Variants in MLF2 observed in about 807,000 individuals in gnomAD.
The protein encoded by MLF2 is myelodysplasia-myeloid leukemia factor 2.
Under a neutral mutation model 31.4 loss-of-function variants are expected in MLF2, and 12 were observed. The observed-to-expected ratio is 0.38, with a 90% CI of 0.24 to 0.62. MLF2 has a LOEUF of 0.62. Ranked by LOEUF, MLF2 falls within the 20% of genes least tolerant of loss-of-function variation. The probability of loss-of-function intolerance (pLI) is 0.58; values close to 1 mark genes in which losing one functional copy is unlikely to be tolerated. For missense variants in MLF2, 272 were observed against 359.7 expected (o/e 0.76, Z 1.97); for synonymous variants, 109 against 118.8 (o/e 0.92, Z 0.54).
At position 6,753,008 on chromosome 12, in the gene MLF2, C is replaced by T; in HGVS notation, c.-98G>A. On this transcript the variant is annotated 5_prime_UTR_variant, in exon 1 of 9. Transcript: ENST00000203630. ...TCCCGGTACGCTGCAGGGTCAGGGTCGCGGCCCGGAACGTGGGGATTGGTC... is the reference window on the plus strand; with the variant it reads ...TCCCGGTACGCTGCAGGGTCAGGGTTGCGGCCCGGAACGTGGGGATTGGTC... 1 of 334,342 alleles carries T rather than the reference C, an allele frequency of 3.0e-6. No individual in the cohort carries two copies. The highest frequency in any genetic ancestry group is 2.1e-5 in the African/African-American group (1 of 47,088). 20.7% of individuals were successfully genotyped at this position (334,342 alleles called of 1,614,324 possible).
rs1254835162 is a variant in MLF2, at chr12:6,749,855, C to G, written c.552G>C (p.Leu184=). The G allele has an allele frequency of 6.2e-7, 1 of 1,614,168 alleles. No homozygotes were observed. The highest frequency in any genetic ancestry group is 1.7e-5 in the Admixed American group (1 of 60,026). The stretch of plus-strand genomic sequence containing the variant: ...GCGGGAGGGAAGGCTCACTCTCATC[C>G]AGGTTGATATAGTCCTGCCGCTCCT... ...DQEERQDYIN[L]DESEAAAFDD... The change falls in exon 7 of 9, where the codon CTG becomes CTC. Residue 184 remains leucine (L), a synonymous_variant. Coordinates refer to ENST00000203630, the MANE Select transcript of MLF2 (RefSeq NM_001382226.1). The surrounding 1 kb of genome is among the most constrained non-coding windows in gnomAD (Gnocchi z 5.3).
chr12:6,749,917 G>A lies in MLF2; in HGVS notation c.490C>T (p.Leu164Phe), dbSNP rs1381620952. Residue 164 changes from leucine (L) to phenylalanine (F), a missense_variant, in exon 7 of 9, where the codon CTC becomes TTC. Leu to Phe is a conservative substitution (Grantham distance 22). Coordinates refer to ENST00000203630, the MANE Select transcript of MLF2 (RefSeq NM_001382226.1). The surrounding 1 kb of genome is among the most constrained non-coding windows in gnomAD (Gnocchi z 5.3). ...GHHIRDRAHI[L>F]QRSRNHRTGD... ...GTGCGATGGTTTCGGGAGCGCTGGA[G>A]GATGTGAGCCCTGTCCCGGATGTGA... is the stretch of plus-strand genomic sequence containing the variant. 1.2e-6 allele frequency: 2 copies of A among 1,614,228 alleles called. No homozygotes were observed. Among genetic ancestry groups the A allele is most frequent in the South Asian group, 1.1e-5 (1 of 91,086 alleles).
At position 6,749,402 on chromosome 12, in the gene MLF2, C is replaced by A. The variant is rs1252861345; in HGVS notation, c.560-420G>T. On this transcript the variant is annotated intron_variant, in intron 7 of 8. Coordinates refer to ENST00000203630, the MANE Select transcript of MLF2 (RefSeq NM_001382226.1). The surrounding 1 kb of genome is among the most constrained non-coding windows in gnomAD (Gnocchi z 5.3). ...TGACTCCGCCCGAGCGGAGGAGGCT[C>A]CAAGTGCGGTAAGAATATGGGACTG... is the stretch of plus-strand genomic sequence containing the variant. Among the ~76,000 whole-genome samples, 1 of 152,342 alleles carries A rather than the reference C, an allele frequency of 6.6e-6. No homozygotes were observed. Among genetic ancestry groups the A allele is most frequent in the East Asian group, 1.9e-4 (1 of 5,178 alleles).
In MLF2 at chr12:6,752,330, A is replaced by T. The variant is rs774949747; in HGVS notation, c.5T>A (p.Phe2Tyr). ...AGGCTCCACGTCCCTCATGAAGCGG[A>T]ACATCCTGATCTCAGCTCCAGGGGG... M[F>Y]RFMRDVEPED... Residue 2 changes from phenylalanine to tyrosine, a missense_variant, in exon 2 of 9, where the codon TTC becomes TAC. Coordinates refer to ENST00000203630, the MANE Select transcript of MLF2 (RefSeq NM_001382226.1). This position sits in a 1 kb window ranked among gnomAD's most constrained non-coding sequence, Gnocchi z 4.6. The T allele has an allele frequency of 1.3e-6, 2 of 1,560,466 alleles. No individual in the cohort carries two copies. Among genetic ancestry groups the T allele is most frequent in the Admixed American group, 3.8e-5 (2 of 52,124 alleles).
chr12:6,751,766 T>A (rs994897850), intron 3 of MLF2, 90 bp from the exon 4 acceptor site: 1 of 1,577,770 alleles, frequency 6.3e-7, no homozygotes, highest in East Asian at 2.2e-5. Flanking sequence ...TTTTTTTCCA[T>A]CCTCTCAAAA....
Position 6,750,701 on chromosome 12 carries a change from G to A in MLF2, c.270+12C>T. ...AGAGCAAGGCCGGGGAAGGGTATGG[G>A]GCAAGTCTCACCATGTTTCCAATCA... On this transcript the variant is annotated intron_variant, in intron 5 of 8. Transcript: ENST00000203630. This position sits in a 1 kb window ranked among gnomAD's most constrained non-coding sequence, Gnocchi z 5.3. 2 of 1,613,612 alleles carry A rather than the reference G, an allele frequency of 1.2e-6. No individual in the cohort carries two copies. Among genetic ancestry groups the A allele is most frequent in the Non-Finnish European group, 1.7e-6 (2 of 1,179,616 alleles).
In MLF2 at chr12:6,750,575, A is replaced by T; in HGVS notation, c.270+138T>A. On this transcript the variant is annotated intron_variant, in intron 5 of 8. Coordinates refer to ENST00000203630, the MANE Select transcript of MLF2 (RefSeq NM_001382226.1). This position sits in a 1 kb window ranked among gnomAD's most constrained non-coding sequence, Gnocchi z 5.3. ...GGCATGACAGCAGGTACAGGGTCCC[A>T]AGGCTCTCTGGTTCAATTACTTTAT... is the stretch of plus-strand genomic sequence containing the variant. The T allele has an allele frequency of 9.1e-7, 1 of 1,101,568 alleles. No individual in the cohort carries two copies. Among genetic ancestry groups the T allele is most frequent in the Non-Finnish European group, 1.3e-6 (1 of 749,740 alleles). 68.2% of individuals were successfully genotyped at this position (1,101,568 alleles called of 1,614,324 possible).
chr12:6,750,455 A>G lies in MLF2; in HGVS notation c.271-150T>C. 1 of 1,136,828 alleles carries G rather than the reference A, an allele frequency of 8.8e-7. No individual in the cohort carries two copies. The highest frequency in any genetic ancestry group is 2.6e-5 in the Admixed American group (1 of 37,784). The allele number at this position is 1,136,828 out of a possible 1,614,324, so 70.4% of individuals were successfully genotyped here. On this transcript the variant is annotated intron_variant, in intron 5 of 8. Transcript: ENST00000203630. The surrounding 1 kb of genome is among the most constrained non-coding windows in gnomAD (Gnocchi z 5.3). The stretch of plus-strand genomic sequence containing the variant: ...TCAGGCCTCATCATTACCCTCCCAA[A>G]TTCCTCTGAGTCCAACCACGAGCAA...
chr12:6,753,100 C>G lies in MLF2; in HGVS notation c.-190G>C. On this transcript the variant is annotated 5_prime_UTR_variant, in exon 1 of 9. Transcript: ENST00000203630. ...AGCTGCCACCTCCGTACGGCCCCCT[C>G]GGCCAACGGAGCCCGAACCTCGGCC... 1 of 392,378 alleles carries G rather than the reference C, an allele frequency of 2.5e-6. No homozygotes were observed. The highest frequency in any genetic ancestry group is 4.5e-6 in the Non-Finnish European group (1 of 222,592). The allele number at this position is 392,378 out of a possible 1,614,324, so 24.3% of individuals were successfully genotyped here. A position where few individuals can be genotyped will look rare whatever the true frequency, so the allele number is the denominator to read the frequency against.
At position 6,752,214 on chromosome 12, in the gene MLF2, G is replaced by A; in HGVS notation, c.50+71C>T. 6.5e-7 allele frequency: 1 copy of A among 1,540,912 alleles called. No individual in the cohort carries two copies. Among genetic ancestry groups the A allele is most frequent in the African/African-American group, 1.4e-5 (1 of 72,334 alleles). On this transcript the variant is annotated intron_variant, in intron 2 of 8. Coordinates refer to ENST00000203630, the MANE Select transcript of MLF2 (RefSeq NM_001382226.1). The surrounding 1 kb of genome is among the most constrained non-coding windows in gnomAD (Gnocchi z 4.6). ...CCAGTTCCAACCATTCCTAGCAATG[G>A]GAACCCCGATGTCTGCCTGAACTGC...
In MLF2 at chr12:6,752,221, C is replaced by T. The variant is rs924493828; in HGVS notation, c.50+64G>A. 2.6e-6 allele frequency: 4 copies of T among 1,535,094 alleles called. No homozygotes were observed. The highest frequency in any genetic ancestry group is 2.7e-5 in the African/African-American group (2 of 72,742). On this transcript the variant is annotated intron_variant, in intron 2 of 8. Coordinates refer to ENST00000203630, the MANE Select transcript of MLF2 (RefSeq NM_001382226.1). The surrounding 1 kb of genome is among the most constrained non-coding windows in gnomAD (Gnocchi z 4.6). ...CAACCATTCCTAGCAATGGGAACCC[C>T]GATGTCTGCCTGAACTGCTCAGAGA...
chr12:6,752,192 G>A lies in MLF2; in HGVS notation c.50+93C>T. On this transcript the variant is annotated intron_variant, in intron 2 of 8. Coordinates refer to ENST00000203630, the MANE Select transcript of MLF2 (RefSeq NM_001382226.1). The surrounding 1 kb of genome is among the most constrained non-coding windows in gnomAD (Gnocchi z 4.6). ...TAGGTAGGAGCTAGGTATCCAGCCAGTTCCAACCATTCCTAGCAATGGGAA... is the reference window on the plus strand; with the variant it reads ...TAGGTAGGAGCTAGGTATCCAGCCAATTCCAACCATTCCTAGCAATGGGAA... 5.8e-6 allele frequency: 9 copies of A among 1,541,068 alleles called. No homozygotes were observed. Among genetic ancestry groups the A allele is most frequent in the Non-Finnish European group, 7.9e-6 (9 of 1,133,960 alleles).
chr12:6,752,129 C>T lies in MLF2; in HGVS notation c.51-75G>A, dbSNP rs1365167774. The T allele has an allele frequency of 6.9e-6, 11 of 1,601,340 alleles. No individual in the cohort carries two copies. The highest frequency in any genetic ancestry group is 2.7e-5 in the African/African-American group (2 of 74,674). On this transcript the variant is annotated intron_variant, in intron 2 of 8. Transcript: ENST00000203630. This position sits in a 1 kb window ranked among gnomAD's most constrained non-coding sequence, Gnocchi z 4.6. ...CCCTCCACCACCCTGCAAAAAAATA[C>T]GCACAGAGCAACAGTGGCACCGATG... is the stretch of plus-strand genomic sequence containing the variant.
Position 6,750,274 on chromosome 12 carries a change from G to A in MLF2, c.302C>T (p.Thr101Ile). 6.2e-7 allele frequency: 1 copy of A among 1,614,206 alleles called. No homozygotes were observed. The highest frequency in any genetic ancestry group is 8.5e-7 in the Non-Finnish European group (1 of 1,180,042). The change falls in exon 6 of 9, where the codon ACC (threonine) becomes ATC (isoleucine). Residue 101 changes from threonine (T) to isoleucine (I), a missense_variant. Transcript: ENST00000203630. The surrounding 1 kb of genome is among the most constrained non-coding windows in gnomAD (Gnocchi z 5.3). Reference sequence around the variant, plus strand: ...GGAGATGACAGTGGAAGATGAGAAGGTCTGGCAATTGCCTCCAGCTGTCAT... The same window carrying A: ...GGAGATGACAGTGGAAGATGAGAAGATCTGGCAATTGCCTCCAGCTGTCAT... ...EHMTAGGNCQTFSSSTVISYS... is the reference protein window; with the variant it reads ...EHMTAGGNCQIFSSSTVISYS...
rs1941625513 is a variant in MLF2 at position 6,752,132 on chromosome 12, A to C, written c.51-78T>G. The C allele has an allele frequency of 6.3e-7, 1 of 1,596,508 alleles. No individual in the cohort carries two copies. Among genetic ancestry groups the C allele is most frequent in the African/African-American group, 1.3e-5 (1 of 74,568 alleles). ...TCCACCACCCTGCAAAAAAATACGC[A>C]CAGAGCAACAGTGGCACCGATGCCT... On this transcript the variant is annotated intron_variant, in intron 2 of 8. Coordinates refer to ENST00000203630, the MANE Select transcript of MLF2 (RefSeq NM_001382226.1). The surrounding 1 kb of genome is among the most constrained non-coding windows in gnomAD (Gnocchi z 4.6).
Position 6,749,799 on chromosome 12 carries a change from G to A in MLF2, c.559+49C>T, listed in dbSNP as rs368218338. 105 of 1,608,086 alleles carry A rather than the reference G, an allele frequency of 6.5e-5. No individual in the cohort carries two copies. Among genetic ancestry groups the A allele is most frequent in the African/African-American group, 6.1e-4 (46 of 74,870 alleles). ...GTGTCTATGTGTTAGGGATGTCCAC[G>A]GGAACCGGGTTAGGGGCTGCCAGCC... On this transcript the variant is annotated intron_variant, in intron 7 of 8. Transcript: ENST00000203630. This position sits in a 1 kb window ranked among gnomAD's most constrained non-coding sequence, Gnocchi z 5.3.
At position 6,748,508 on chromosome 12, in the gene MLF2, A is replaced by T; in HGVS notation, c.*65T>A. ...TTGGGGATGGGAATCGAGAGGAAAA[A>T]GTTATTCAGGGGATGATTTCTCAGC... On this transcript the variant is annotated 3_prime_UTR_variant, in exon 9 of 9. Transcript: ENST00000203630. This position sits in a 1 kb window ranked among gnomAD's most constrained non-coding sequence, Gnocchi z 4.6. The T allele has an allele frequency of 9.5e-6, 3 of 314,534 alleles. No homozygotes were observed. Among genetic ancestry groups the T allele is most frequent in the Admixed American group, 5.0e-5 (1 of 19,960 alleles). 19.5% of individuals were successfully genotyped at this position (314,534 alleles called of 1,614,324 possible).
chr12:6,748,393 G>C lies in MLF2; in HGVS notation c.*180C>G, dbSNP rs532151418. 1 of 166,864 alleles carries C rather than the reference G, an allele frequency of 6.0e-6. No individual in the cohort carries two copies. The highest frequency in any genetic ancestry group is 2.4e-5 in the African/African-American group (1 of 42,124). The allele number at this position is 166,864 out of a possible 1,614,324, so 10.3% of individuals were successfully genotyped here. Reference sequence around the variant, plus strand: ...ATGGTAAACCAGGAGATTAAAGAAGGAAAAGGTAGGGAAAGGGTGCCGTGA... The same window carrying C: ...ATGGTAAACCAGGAGATTAAAGAAGCAAAAGGTAGGGAAAGGGTGCCGTGA... On this transcript the variant is annotated 3_prime_UTR_variant, in exon 9 of 9. Transcript: ENST00000203630. The surrounding 1 kb of genome is among the most constrained non-coding windows in gnomAD (Gnocchi z 4.6).
chr12:6,748,545 T>G lies in MLF2; in HGVS notation c.*28A>C. 2.5e-6 allele frequency: 1 copy of G among 407,318 alleles called. No homozygotes were observed. The highest frequency in any genetic ancestry group is 4.3e-6 in the Non-Finnish European group (1 of 230,352). The allele number at this position is 407,318 out of a possible 1,614,324, so 25.2% of individuals were successfully genotyped here. On this transcript the variant is annotated splice_region_variant and 3_prime_UTR_variant, in exon 9 of 9. Coordinates refer to ENST00000203630, the MANE Select transcript of MLF2 (RefSeq NM_001382226.1). This position sits in a 1 kb window ranked among gnomAD's most constrained non-coding sequence, Gnocchi z 4.6. ...GATGATTTCTCAGCCTCTCAGCCTG[T>G]ACCTGGAGGGGGAAAGAGAGAGGAG...
Sources: gnomAD v4.1 joint callset for allele counts (sites outside exome capture counted in the v4.1 genomes callset) on GRCh38, gnomAD v4.1.1 for gene constraint, Gnocchi (gnomAD v3.1) non-coding constraint, MANE v1.5 for transcripts, NCBI Gene and HGNC (gene_info 2026-07-23, HGNC 2026-07-21) for gene names.